PPARGC1A: variants seen among roughly 807,000 people sequenced by gnomAD.
PPARGC1A encodes the protein peroxisome proliferator-activated receptor gamma coactivator 1-alpha.
Under a neutral mutation model 88.7 loss-of-function variants are expected in PPARGC1A, and 25 were observed. That is an observed-to-expected ratio of 0.28 (90% CI 0.21 to 0.39). The LOEUF (loss-of-function observed/expected upper bound fraction) is 0.39, where lower values mean the gene tolerates loss of function less well. Among genes scored for constraint, PPARGC1A ranks in the 10% least tolerant of loss-of-function variants. The pLI, the probability that PPARGC1A is intolerant of heterozygous loss-of-function variation, is 1.00. For synonymous variants in PPARGC1A, 363 were observed against 355.6 expected (o/e 1.02, Z -0.24); for missense variants, 880 against 968.7 (o/e 0.91, Z 1.22).
the PPARGC1A span, among the ~76,000 whole-genome samples, chr4:23,967,203 C>G: frequency 6.6e-6 from 1 of 152,190 alleles, no homozygotes; most frequent in Admixed American, 6.5e-5. Flanking sequence ...AGCCTACACT[C>G]TGTGCAGCAA....
chr4:24,064,629 T>G, the PPARGC1A span, among the ~76,000 whole-genome samples: 3 of 152,006 alleles, frequency 2.0e-5, no homozygotes, highest in Non-Finnish European at 4.4e-5. Context: ...CAGGGCATTC[T>G]CCTCCCCCAG....
the PPARGC1A span, among the ~76,000 whole-genome samples, chr4:24,142,252 A>G: frequency 6.6e-6 from 1 of 152,204 alleles, no homozygotes; most frequent in Non-Finnish European, 1.5e-5. Flanking sequence ...AGGTACTTAC[A>G]TTTTAGGAAG....
intron 1 of PPARGC1A, among the ~76,000 whole-genome samples, chr4:23,896,600 C>G (rs1325611226): frequency 6.6e-6 from 1 of 152,108 alleles, no homozygotes; most frequent in African/African-American, 2.4e-5. Flanking sequence ...CAGAGGTAGA[C>G]CCAAAACCAC....
chr4:24,189,738 G>A, the PPARGC1A span, among the ~76,000 whole-genome samples: 57 of 152,164 alleles, frequency 3.7e-4, no homozygotes, highest in Non-Finnish European at 6.2e-4. Context: ...CTAAGCACCC[G>A]GCACCCTCAC....
chr4:24,426,834 A>G, the PPARGC1A span, among the ~76,000 whole-genome samples: 1 of 152,220 alleles, frequency 6.6e-6, no homozygotes, highest in Non-Finnish European at 1.5e-5. Context: ...CTATACTGAA[A>G]AGATAAATAC....
chr4:24,304,420 G>A, the PPARGC1A span, among the ~76,000 whole-genome samples: 1 of 152,168 alleles, frequency 6.6e-6, no homozygotes, highest in South Asian at 2.1e-4. Flanking sequence ...ACTTTGCATG[G>A]TTGTTTAATT....
the PPARGC1A span, among the ~76,000 whole-genome samples, chr4:24,077,949 G>A: frequency 6.6e-6 from 1 of 151,206 alleles, no homozygotes; most frequent in African/African-American, 2.4e-5. Context: ...TTTCCACTTT[G>A]GTATTTTTAA....
the PPARGC1A span, among the ~76,000 whole-genome samples, chr4:24,280,701 T>C: frequency 6.6e-6 from 1 of 152,240 alleles, no homozygotes; most frequent in Non-Finnish European, 1.5e-5. Flanking sequence ...ATTTTTTTAG[T>C]GGACTTAATC....
the PPARGC1A span, among the ~76,000 whole-genome samples, chr4:24,076,136 C>T: frequency 2.6e-4 from 39 of 152,170 alleles, 1 homozygote; most frequent in Non-Finnish European, 4.3e-4. Context: ...CCAGTGCTGC[C>T]GCAATCCTTT....
At chr4:24,327,597 G>C in the PPARGC1A span, among the ~76,000 whole-genome samples, 1 of 151,600 alleles carries the variant, frequency 6.6e-6, no homozygotes, top group Non-Finnish European at 1.5e-5. Context: ...CATCCTATGC[G>C]ACAAATGTTT....
At chr4:24,045,418 T>C in the PPARGC1A span, among the ~76,000 whole-genome samples, 55 of 152,110 alleles carry the variant, frequency 3.6e-4, 1 homozygote, top group Non-Finnish European at 2.2e-4. Flanking sequence ...CTGAGTGGCT[T>C]AAAGCAACAT....
chr4:23,829,752 A>G (rs529100236), intron 3 of PPARGC1A, 167 bp from the exon 4 acceptor site: 154 of 557,110 alleles, frequency 2.8e-4, no homozygotes, highest in African/African-American at 2.7e-3. Context: ...GAAATATGAT[A>G]TTTAAAGAGT....
chr4:23,847,089 A>G (rs1728456775), intron 2 of PPARGC1A, among the ~76,000 whole-genome samples: 1 of 152,094 alleles, frequency 6.6e-6, no homozygotes, highest in Admixed American at 6.6e-5. Flanking sequence ...GTATCTTTGG[A>G]GGTGGGAGTT....
chr4:24,077,624 G>GGTGTGTGTGT, the PPARGC1A span, among the ~76,000 whole-genome samples: 75 of 130,958 alleles, frequency 5.7e-4, 1 homozygote, highest in African/African-American at 1.7e-3. Flanking sequence ...TGTGTCTAGG[G>GGTGTGTGTGT]GTGTGTGTGT....
chr4:23,894,433 A>G (rs1365295345), upstream of PPARGC1A, among the ~76,000 whole-genome samples: 1 of 152,102 alleles, frequency 6.6e-6, no homozygotes, highest in Non-Finnish European at 1.5e-5. Context: ...TATTCTATAA[A>G]TACTATAAAA....
the PPARGC1A span, among the ~76,000 whole-genome samples, chr4:24,170,708 G>A: frequency 6.6e-6 from 1 of 152,098 alleles, no homozygotes; most frequent in African/African-American, 2.4e-5. Context: ...CTATCTCATA[G>A]AATCATGGTG....
chr4:23,858,207 T>C (rs1001828572), intron 2 of PPARGC1A, among the ~76,000 whole-genome samples: 5 of 152,094 alleles, frequency 3.3e-5, no homozygotes, highest in Non-Finnish European at 7.4e-5. Context: ...TTCCAGGCAC[T>C]ATACAGGACA....
At chr4:24,430,902 G>T in the PPARGC1A span, among the ~76,000 whole-genome samples, 1 of 152,164 alleles carries the variant, frequency 6.6e-6, no homozygotes, top group East Asian at 1.9e-4. Flanking sequence ...CGGATCGCCT[G>T]AGGTCAGGAG....
chr4:24,405,097 A>C, the PPARGC1A span, among the ~76,000 whole-genome samples: 21 of 152,344 alleles, frequency 1.4e-4, no homozygotes, highest in African/African-American at 5.1e-4. Context: ...AGTTATTCAA[A>C]AACAAGGGCT....
Sources: allele counts gnomAD v4.1 joint callset (sites outside exome capture counted in the v4.1 genomes callset), GRCh38; gene constraint gnomAD v4.1.1; transcripts MANE v1.5; gene names NCBI Gene and HGNC (gene_info 2026-07-23, HGNC 2026-07-21).